Variants in GABRA3 observed in about 807,000 individuals in gnomAD.
The protein encoded by GABRA3 is gamma-aminobutyric acid receptor subunit alpha-3.
A neutral mutation model predicts 30.1 loss-of-function variants in GABRA3; 10 were observed. That is an observed-to-expected ratio of 0.33 (90% confidence interval 0.20 to 0.56). The LOEUF (loss-of-function observed/expected upper bound fraction) is 0.56, where lower values mean the gene tolerates loss of function less well. Among genes scored for constraint, GABRA3 ranks in the 20% least tolerant of loss-of-function variants. The pLI, the probability that GABRA3 is intolerant of heterozygous loss-of-function variation, is 0.89. For synonymous variants in GABRA3, 151 were observed against 146.8 expected (o/e 1.03, Z -0.21); for missense variants, 233 against 392.0 (o/e 0.59, Z 3.42).
At chrX:152,447,963 G>T (rs1352607145) in intron 1 of GABRA3, among the ~76,000 whole-genome samples, 3 of 112,147 alleles carry the variant, frequency 2.7e-5, no homozygotes, top group African/African-American at 9.7e-5. Flanking sequence ...AAATGTTACA[G>T]CAATTTGAAA....
chrX:152,243,427 G>C lies in GABRA3; in HGVS notation c.551+12351C>G, dbSNP rs192233945. 2.3e-3 allele frequency among the ~76,000 whole-genome samples: 257 copies of C among 111,724 alleles called. 1 individual carries two copies. The highest frequency in any genetic ancestry group is 3.5e-3 in the Admixed American group (37 of 10,508). ...ATTCCCCAATGCATAAATATATCAA[G>C]ACATTCTGTTGTACACCATAAATAC... On this transcript the variant is annotated intron_variant, in intron 5 of 9. Transcript: ENST00000370314.
Position 152,439,588 on chromosome X carries a change from A to G in GABRA3, c.-27+11558T>C, listed in dbSNP as rs764621367. On this transcript the variant is annotated intron_variant, in intron 1 of 9. Transcript: ENST00000370314. ...AGACATTTACTTTGCATATAACCCC[A>G]GGAGTCCCCTTCTAGGTATTTACCT... 4.5e-5 allele frequency among the ~76,000 whole-genome samples: 5 copies of G among 111,702 alleles called. No individual in the cohort carries two copies. The East Asian group carries it at 1.4e-3, about 31-fold the overall frequency.
rs1299626726 is a variant in GABRA3, at chrX:152,236,494, C to T, written c.552-11649G>A. Among the ~76,000 whole-genome samples the T allele has an allele frequency of 1.1e-4, 10 of 92,332 alleles. No individual in the cohort carries two copies. The Admixed American group carries it at 1.1e-3, about 10-fold the overall frequency. The allele number at this position is 92,332 out of a possible 115,157, so 80.2% of individuals were successfully genotyped here. A position where few individuals can be genotyped will look rare whatever the true frequency, so the allele number is the denominator to read the frequency against. On this transcript the variant is annotated intron_variant, in intron 5 of 9. Coordinates refer to ENST00000370314, the MANE Select transcript of GABRA3 (RefSeq NM_000808.4). ...CTTTATAGCAGCATGATTTATAGTC[C>T]TTTGGGTATATACCCAGTAATGGGA... is the stretch of plus-strand genomic sequence containing the variant.
intron 2 of GABRA3, among the ~76,000 whole-genome samples, chrX:152,349,135 C>T (rs989091968): frequency 3.6e-5 from 4 of 111,745 alleles, no homozygotes; most frequent in Non-Finnish European, 7.5e-5. Context: ...ATTCTAAATC[C>T]TTTGTTGTCA....
At chrX:152,277,473 T>C (rs183131640) in intron 4 of GABRA3, among the ~76,000 whole-genome samples, 2,431 of 111,087 alleles carry the variant, frequency 0.022, 60 homozygotes, top group African/African-American at 0.075. Context: ...TGCACCATTT[T>C]CCCCCCTGAT....
chrX:152,347,251 A>G (rs1237627753), intron 2 of GABRA3, among the ~76,000 whole-genome samples: 1 of 111,901 alleles, frequency 8.9e-6, no homozygotes, highest in Non-Finnish European at 1.9e-5. Flanking sequence ...AAAGACAAAA[A>G]TTGCATGCTG....
At chrX:152,227,110 T>C (rs1430570954) in intron 5 of GABRA3, among the ~76,000 whole-genome samples, 1 of 109,594 alleles carries the variant, frequency 9.1e-6, no homozygotes, top group African/African-American at 3.3e-5. Flanking sequence ...CTATTCACAA[T>C]AGCAAAGACT....
At chrX:152,238,477 G>A (rs1317001815) in intron 5 of GABRA3, among the ~76,000 whole-genome samples, 1 of 106,495 alleles carries the variant, frequency 9.4e-6, no homozygotes, top group East Asian at 3.0e-4. Context: ...GTCTCTGCCC[G>A]GCTTTGGTAT....
chrX:152,389,417 T>C (rs1929415837), intron 1 of GABRA3: 1 of 111,541 alleles, frequency 9.0e-6, no homozygotes, highest in Admixed American at 9.6e-5. Flanking sequence ...ATGGCTTTGG[T>C]CCAGGAGCTG....
chrX:152,357,296 T>G (rs1940564620), intron 2 of GABRA3, among the ~76,000 whole-genome samples: 1 of 111,646 alleles, frequency 9.0e-6, no homozygotes, highest in African/African-American at 3.3e-5. Flanking sequence ...CTGTTATAAT[T>G]TGACTTTTTA....
chrX:152,249,635 T>G (rs773537828), intron 5 of GABRA3, among the ~76,000 whole-genome samples: 1 of 110,454 alleles, frequency 9.1e-6, no homozygotes, highest in Admixed American at 9.7e-5. Flanking sequence ...CTTTAGTGGA[T>G]CCTCATCATG....
At chrX:152,442,742 T>C (rs201825163) in intron 1 of GABRA3, among the ~76,000 whole-genome samples, 1 of 112,084 alleles carries the variant, frequency 8.9e-6, no homozygotes. Flanking sequence ...GAATCTATTA[T>C]ATATTACAAT....
chrX:152,435,959 CA>C (rs1483132819), intron 1 of GABRA3, among the ~76,000 whole-genome samples: 1 of 111,196 alleles, frequency 9.0e-6, no homozygotes, highest in Non-Finnish European at 1.9e-5. Context: ...ATAAATTTCA[CA>C]AAATATATGC....
chrX:152,293,963 C>A (rs1286519719), intron 3 of GABRA3, among the ~76,000 whole-genome samples: 1 of 111,951 alleles, frequency 8.9e-6, no homozygotes, highest in African/African-American at 3.3e-5. Context: ...CCCCTACTCT[C>A]TTCTGGCCTG....
chrX:152,213,923 CTTTT>C (rs760097922), intron 6 of GABRA3, among the ~76,000 whole-genome samples: 3 of 109,949 alleles, frequency 2.7e-5, no homozygotes, highest in African/African-American at 9.9e-5. Context: ...TTCTCTATTC[CTTTT>C]TTTTTATTTT....
chrX:152,274,677 T>C (rs957672543), intron 4 of GABRA3, among the ~76,000 whole-genome samples: 8 of 110,320 alleles, frequency 7.3e-5, no homozygotes, highest in African/African-American at 2.6e-4. Context: ...GGGAAATTGA[T>C]ATTCATAAAG....
chrX:152,198,801 C>T (rs142389240), intron 7 of GABRA3, among the ~76,000 whole-genome samples: 1,913 of 112,283 alleles, frequency 0.017, 21 homozygotes, highest in African/African-American at 0.036. Flanking sequence ...ATACCTTAAA[C>T]TCTAATAACT....
At chrX:152,178,738 G>T (rs1422306992) in intron 9 of GABRA3, among the ~76,000 whole-genome samples, 1 of 110,756 alleles carries the variant, frequency 9.0e-6, no homozygotes. Flanking sequence ...AGTAGTAATG[G>T]ACATAGTTTA....
At chrX:152,183,047 T>C (rs1408960462) in intron 9 of GABRA3, among the ~76,000 whole-genome samples, 1 of 107,855 alleles carries the variant, frequency 9.3e-6, no homozygotes, top group African/African-American at 3.4e-5. Flanking sequence ...TATTTGCCTG[T>C]CTTTGGTATG....
Sources: gnomAD v4.1 joint callset for allele counts (sites outside exome capture counted in the v4.1 genomes callset) on GRCh38, gnomAD v4.1.1 for gene constraint, MANE v1.5 for transcripts, NCBI Gene and HGNC (gene_info 2026-07-23, HGNC 2026-07-21) for gene names.